TOP6BL: variants seen among roughly 807,000 people sequenced by gnomAD.
The protein encoded by TOP6BL is TOP6B like initiator of meiotic double strand breaks.
At chr11:66,791,207 G>A in the TOP6BL span, among the ~76,000 whole-genome samples, 4 of 152,278 alleles carry the variant, frequency 2.6e-5, no homozygotes, top group African/African-American at 7.2e-5. Context: ...GGGCCTGCGA[G>A]GAAAGTCAAT....
the TOP6BL span, among the ~76,000 whole-genome samples, chr11:66,816,848 T>A: frequency 1.3e-5 from 2 of 152,110 alleles, no homozygotes; most frequent in African/African-American, 4.8e-5. Flanking sequence ...CAAGTGCTTG[T>A]CAGTATGTTT....
chr11:66,817,343 A>G, the TOP6BL span, among the ~76,000 whole-genome samples: 1 of 152,160 alleles, frequency 6.6e-6, no homozygotes, highest in Non-Finnish European at 1.5e-5. Flanking sequence ...ATTTGTTATC[A>G]ATCAGAAAGG....
the TOP6BL span, among the ~76,000 whole-genome samples, chr11:66,809,752 A>G: frequency 4.6e-5 from 7 of 152,180 alleles, no homozygotes; most frequent in Non-Finnish European, 4.4e-5. Flanking sequence ...TGCCCAGGCT[A>G]AAGTGCAGTT....
the TOP6BL span, among the ~76,000 whole-genome samples, chr11:66,769,448 TAAA>T: frequency 8.1e-6 from 1 of 122,996 alleles, no homozygotes; most frequent in Non-Finnish European, 1.8e-5. Flanking sequence ...CAATTATACC[TAAA>T]AAAAAAAAAG....
At chr11:66,768,664 TTTTG>T in the TOP6BL span, among the ~76,000 whole-genome samples, 288 of 151,462 alleles carry the variant, frequency 1.9e-3, no homozygotes, top group African/African-American at 6.6e-3. Context: ...GATTTTTGTT[TTTTG>T]TTTTTTTTTT....
the TOP6BL span, among the ~76,000 whole-genome samples, chr11:66,771,864 T>G: frequency 6.6e-6 from 1 of 152,186 alleles, no homozygotes. Flanking sequence ...TGGGTGGGAC[T>G]GTCAAATGCA....
At chr11:66,753,532 G>T in the TOP6BL span, among the ~76,000 whole-genome samples, 1 of 141,970 alleles carries the variant, frequency 7.0e-6, no homozygotes, top group Admixed American at 7.2e-5. Flanking sequence ...TCAGCCTCCC[G>T]AGTAGCTGGG....
chr11:66,800,160 C>G, the TOP6BL span, among the ~76,000 whole-genome samples: 1 of 151,660 alleles, frequency 6.6e-6, no homozygotes. Context: ...TATGATTTCA[C>G]TTATATGTGG....
At chr11:66,824,417 GTATTTATTATTAT>G in the TOP6BL span, among the ~76,000 whole-genome samples, 2 of 124,024 alleles carry the variant, frequency 1.6e-5, no homozygotes, top group African/African-American at 6.7e-5. Flanking sequence ...GGCTAATTTT[GTATTTATTATTAT>G]TATTATTATT....
the TOP6BL span, among the ~76,000 whole-genome samples, chr11:66,794,616 A>G: frequency 6.6e-6 from 1 of 152,224 alleles, no homozygotes; most frequent in African/African-American, 2.4e-5. Flanking sequence ...AAGATACCTT[A>G]GCACCATCCC....
the TOP6BL span, among the ~76,000 whole-genome samples, chr11:66,775,943 A>G: frequency 6.6e-6 from 1 of 151,846 alleles, no homozygotes; most frequent in African/African-American, 2.4e-5. Context: ...ACCCTACTGA[A>G]TTCATCCCTT....
the TOP6BL span, chr11:66,843,485 A>G: frequency 1.4e-6 from 2 of 1,470,996 alleles, no homozygotes; most frequent in African/African-American, 1.5e-5. Flanking sequence ...ATGGGCTGCG[A>G]CTGCTGTCGG....
chr11:66,795,522 G>A, the TOP6BL span, among the ~76,000 whole-genome samples: 4 of 151,898 alleles, frequency 2.6e-5, no homozygotes, highest in African/African-American at 9.7e-5. Context: ...GGTTGGTCTC[G>A]AACTCCTGAC....
At chr11:66,759,856 A>T in the TOP6BL span, among the ~76,000 whole-genome samples, 1 of 152,202 alleles carries the variant, frequency 6.6e-6, no homozygotes, top group Non-Finnish European at 1.5e-5. Flanking sequence ...ATGCTGGATT[A>T]CAGGTGTGAG....
the TOP6BL span, among the ~76,000 whole-genome samples, chr11:66,780,744 G>A: frequency 1.3e-5 from 2 of 151,972 alleles, no homozygotes; most frequent in Non-Finnish European, 2.9e-5. Context: ...ACCACACCTG[G>A]CTAATTTTTT....
chr11:66,752,521 G>T, the TOP6BL span, among the ~76,000 whole-genome samples: 1 of 151,754 alleles, frequency 6.6e-6, no homozygotes, highest in Non-Finnish European at 1.5e-5. Flanking sequence ...GCATGATCTC[G>T]ACTTACTGCA....
chr11:66,754,151 A>G, the TOP6BL span, among the ~76,000 whole-genome samples: 2 of 152,226 alleles, frequency 1.3e-5, no homozygotes, highest in Non-Finnish European at 2.9e-5. Flanking sequence ...TGTCACAATG[A>G]TGCACCTGGG....
chr11:66,838,222 G>A, the TOP6BL span: 1 of 644,446 alleles, frequency 1.6e-6, no homozygotes. Flanking sequence ...GTGGGTAGGG[G>A]GATTCATGAG....
the TOP6BL span, among the ~76,000 whole-genome samples, chr11:66,819,835 G>A: frequency 6.6e-6 from 1 of 150,434 alleles, no homozygotes; most frequent in African/African-American, 2.5e-5. Context: ...TCCAGGAGGC[G>A]GAGGTTGCAG....
Sources: allele counts gnomAD v4.1 joint callset (sites outside exome capture counted in the v4.1 genomes callset), GRCh38; gene constraint gnomAD v4.1.1; transcripts MANE v1.5; gene names NCBI Gene and HGNC (gene_info 2026-07-23, HGNC 2026-07-21).